The following VIPR1 variants were observed in gnomAD, a reference collection of about 807,000 sequenced individuals.
VIPR1 encodes vasoactive intestinal polypeptide receptor 1.
Under a neutral mutation model 58.8 loss-of-function variants are expected in VIPR1, and 59 were observed. That is an observed-to-expected ratio of 1.00 (90% CI 0.81 to 1.25). VIPR1 has a LOEUF of 1.25. Ranked by LOEUF, VIPR1 falls within the 50% of genes most tolerant of loss-of-function variation. The probability of loss-of-function intolerance (pLI) is 0.00; values close to 1 mark genes in which losing one functional copy is unlikely to be tolerated. For synonymous variants in VIPR1, 251 were observed against 242.1 expected, an observed-to-expected ratio of 1.04 and a Z score of -0.34; for missense variants, 626 against 602.7, an observed-to-expected ratio of 1.04 and a Z score of -0.40.
intron 1 of VIPR1, chr3:42,512,127 G>A (rs2125643004): frequency 6.6e-6 from 1 of 152,368 alleles, no homozygotes; most frequent in Non-Finnish European, 1.5e-5. Flanking sequence ...GTGGCTTCCA[G>A]GGCAACAGCA....
chr3:42,500,791 C>T (rs1187186016), upstream of VIPR1, among the ~76,000 whole-genome samples: 1 of 152,162 alleles, frequency 6.6e-6, no homozygotes, highest in East Asian at 1.9e-4. Context: ...TCAAACACTC[C>T]CGCCATTGGG....
At chr3:42,497,774 C>CT (rs1699794424), upstream of VIPR1, among the ~76,000 whole-genome samples, 1 of 152,196 alleles carries the variant, frequency 6.6e-6, no homozygotes, top group South Asian at 2.1e-4. Flanking sequence ...TGCACAACCC[C>CT]TTTTTGCCTG....
chr3:42,527,832 G>A (rs1378136387), intron 5 of VIPR1, 159 bp from the exon 6 acceptor site: 2 of 1,074,714 alleles, frequency 1.9e-6, no homozygotes, highest in African/African-American at 1.6e-5. Context: ...ACCTGGGGGT[G>A]GGGCTCGTAT....
intron 4 of VIPR1, among the ~76,000 whole-genome samples, chr3:42,526,636 C>T (rs1559492848): frequency 1.3e-5 from 2 of 152,190 alleles, no homozygotes; most frequent in South Asian, 2.1e-4. Context: ...CACCCACCCC[C>T]GAGGACAGCA....
upstream of VIPR1, chr3:42,501,907 C>G (rs1488351028): frequency 6.6e-6 from 1 of 152,202 alleles, no homozygotes; most frequent in Non-Finnish European, 1.5e-5. The surrounding 1 kb of genome is among the most constrained non-coding windows in gnomAD (Gnocchi z 4.8). Context: ...CGCGAGGGTG[C>G]GGACACCTCA....
At chr3:42,491,731 C>T (rs1392102627) in intron 1 of VIPR1, among the ~76,000 whole-genome samples, 1 of 152,138 alleles carries the variant, frequency 6.6e-6, no homozygotes, top group Non-Finnish European at 1.5e-5. Context: ...TGCACCACTA[C>T]ACCTGGCTAA....
intron 1 of VIPR1, among the ~76,000 whole-genome samples, chr3:42,491,740 A>T (rs191953456): frequency 6.6e-6 from 1 of 152,218 alleles, no homozygotes; most frequent in Admixed American, 6.5e-5. Context: ...ACACCTGGCT[A>T]ATTTTAGTAT....
rs1477759214 is a variant in VIPR1 at position 42,519,253 on chromosome 3, G to C, written c.215G>C (p.Cys72Ser). The C allele has an allele frequency of 5.0e-6, 8 of 1,610,542 alleles. No individual in the cohort carries two copies. Among genetic ancestry groups the C allele is most frequent in the Non-Finnish European group, 5.9e-6 (7 of 1,178,478 alleles). The change falls in exon 3 of 13, where the codon TGC becomes TCC. Residue 72 changes from cysteine to serine, a missense_variant. Physicochemically the swap from Cys to Ser is moderately radical, Grantham distance 112. Coordinates refer to ENST00000325123, the MANE Select transcript of VIPR1 (RefSeq NM_004624.4). ...GCSKMWDNLT[C>S]WPATPRGQVV... ...AGCAAGATGTGGGACAACCTCACCT[G>C]CTGGCCAGCCACCCCTCGGGGCCAG...
chr3:42,536,005 G>T (rs1198247952), intron 12 of VIPR1, 85 bp from the exon 13 acceptor site: 16 of 1,437,376 alleles, frequency 1.1e-5, no homozygotes, highest in Non-Finnish European at 1.3e-5. Context: ...AGACTGGCTA[G>T]TTCAGAACCC....
intron 1 of VIPR1, among the ~76,000 whole-genome samples, chr3:42,495,266 C>T (rs571000039): frequency 3.3e-5 from 5 of 152,150 alleles, no homozygotes; most frequent in East Asian, 1.9e-4. Context: ...GGACTATAGG[C>T]GCCCACCACC....
In VIPR1 at chr3:42,535,105, G is replaced by C; in HGVS notation, c.1140+1G>C. On this transcript the variant is annotated splice_donor_variant, in intron 11 of 12. Coordinates refer to ENST00000325123, the MANE Select transcript of VIPR1 (RefSeq NM_004624.4). LOFTEE classifies it high-confidence loss of function. Reference sequence around the variant, plus strand: ...TGAGCTCGTCGTGGGGTCTTTCCAGGTATGGGCTGTTGACTTAAGGCTGCA... The same window carrying C: ...TGAGCTCGTCGTGGGGTCTTTCCAGCTATGGGCTGTTGACTTAAGGCTGCA... 2 of 1,614,222 alleles carry C rather than the reference G, an allele frequency of 1.2e-6. No homozygotes were observed. Among genetic ancestry groups the C allele is most frequent in the Middle Eastern group, 3.3e-4 (2 of 6,062 alleles).
rs748153782 is a variant in VIPR1 at position 42,534,970 on chromosome 3, T to C, written c.1011-5T>C. On this transcript the variant is annotated splice_region_variant and splice_polypyrimidine_tract_variant and intron_variant, in intron 10 of 12. Coordinates refer to ENST00000325123, the MANE Select transcript of VIPR1 (RefSeq NM_004624.4). ...ACCCATGGCCTGTCCCTCCCCTGTC[T>C]CCAGAAGGCTAGCCAGGTCCACACT... 3.7e-6 allele frequency: 6 copies of C among 1,614,130 alleles called. No individual in the cohort carries two copies. The South Asian group carries it at 6.6e-5, about 18-fold the overall frequency.
chr3:42,513,509 T>C, intron 1 of VIPR1: 1 of 489,596 alleles, frequency 2.0e-6, no homozygotes, highest in Non-Finnish European at 3.7e-6. Flanking sequence ...CAGTTACAGC[T>C]GCAGCACTAA....
At chr3:42,502,851 T>A (rs1404124157) in intron 1 of VIPR1, 38 bp downstream of exon 1, 1 of 1,113,106 alleles carries the variant, frequency 9.0e-7, no homozygotes, top group Non-Finnish European at 1.1e-6. Context: ...CCCGGCAGCC[T>A]GGGGGTTGCG....
At chr3:42,497,088 G>T (rs1223601162) in intron 1 of VIPR1, among the ~76,000 whole-genome samples, 3 of 152,118 alleles carry the variant, frequency 2.0e-5, no homozygotes, top group Non-Finnish European at 2.9e-5. Context: ...TCTGCCGAAG[G>T]TCAGCTACAC....
upstream of VIPR1, among the ~76,000 whole-genome samples, chr3:42,500,994 G>T (rs1389028861): frequency 6.6e-6 from 1 of 152,304 alleles, no homozygotes; most frequent in Non-Finnish European, 1.5e-5. Flanking sequence ...CCAGTGCACA[G>T]CACAGGGCCT....
chr3:42,519,890 A>C (rs1342300967), intron 3 of VIPR1, among the ~76,000 whole-genome samples: 3 of 152,210 alleles, frequency 2.0e-5, no homozygotes, highest in African/African-American at 7.2e-5. Context: ...GAGCTGGACA[A>C]ACACAGTGGA....
intron 3 of VIPR1, among the ~76,000 whole-genome samples, chr3:42,522,101 A>ATATATATATATATATATATTT (rs1419353370): frequency 1.7e-4 from 6 of 35,364 alleles, no homozygotes; most frequent in African/African-American, 6.4e-4. Flanking sequence ...ATATATATAT[A>ATATATATATATATATATATTT]TTTTTTTTTT....
At chr3:42,507,773 C>T (rs1221620754) in intron 1 of VIPR1, 1 of 152,120 alleles carries the variant, frequency 6.6e-6, no homozygotes, top group Admixed American at 6.5e-5. Context: ...TTGGGTTCTG[C>T]TAATTATGAG....
Sources: gnomAD v4.1 joint callset for allele counts (sites outside exome capture counted in the v4.1 genomes callset) on GRCh38, gnomAD v4.1.1 for gene constraint, Gnocchi (gnomAD v3.1) non-coding constraint, MANE v1.5 for transcripts, NCBI Gene and HGNC (gene_info 2026-07-23, HGNC 2026-07-21) for gene names.